Variants in MIPOL1 observed in about 807,000 individuals in gnomAD.
MIPOL1 encodes the protein mirror-image polydactyly 1.
MIPOL1 carries 57 observed loss-of-function variants against 60.9 expected under a neutral mutation model. That is an observed-to-expected ratio of 0.94 (90% CI 0.76 to 1.17). The LOEUF (loss-of-function observed/expected upper bound fraction) is 1.17. Among genes scored for constraint, MIPOL1 ranks in the 50% most tolerant of loss-of-function variants. The probability of loss-of-function intolerance (pLI) is 0.00; values close to 1 mark genes in which losing one functional copy is unlikely to be tolerated. For synonymous variants in MIPOL1, 179 were observed against 168.8 expected, an observed-to-expected ratio of 1.06 and a Z score of -0.47; for missense variants, 551 against 511.6, an observed-to-expected ratio of 1.08 and a Z score of -0.74.
chr14:37,306,875 C>T (rs536754828), intron 7 of MIPOL1, among the ~76,000 whole-genome samples: 33 of 151,852 alleles, frequency 2.2e-4, no homozygotes, highest in African/African-American at 7.9e-4. Context: ...CTTCTTGAAA[C>T]GTAAACCTAA....
intron 12 of MIPOL1, among the ~76,000 whole-genome samples, chr14:37,521,746 CTA>C (rs1451926684): frequency 1.3e-5 from 2 of 152,042 alleles, no homozygotes; most frequent in Non-Finnish European, 2.9e-5. Context: ...AGTCCTCAAA[CTA>C]TTCCATTTTA....
intron 12 of MIPOL1, among the ~76,000 whole-genome samples, chr14:37,510,722 A>G (rs1424907027): frequency 6.6e-6 from 1 of 152,202 alleles, no homozygotes; most frequent in Non-Finnish European, 1.5e-5. Context: ...TAGTAGTTTC[A>G]GAGAATAACA....
chr14:37,434,650 C>G (rs1041976721), intron 11 of MIPOL1: 2 of 152,014 alleles, frequency 1.3e-5, no homozygotes, highest in Admixed American at 6.6e-5. Context: ...TCAAGCAATC[C>G]TGTCGCCTCG....
intron 9 of MIPOL1, among the ~76,000 whole-genome samples, chr14:37,330,501 A>C (rs1336743003): frequency 1.3e-5 from 2 of 152,138 alleles, no homozygotes; most frequent in African/African-American, 4.8e-5. Flanking sequence ...TATAATTAAC[A>C]GTCCTCAATA....
chr14:37,246,938 A>G (rs1347050344), intron 1 of MIPOL1, among the ~76,000 whole-genome samples, 165 bp from the exon 2 acceptor site: 2 of 152,094 alleles, frequency 1.3e-5, no homozygotes, highest in African/African-American at 4.8e-5. Context: ...CATGTTTTAA[A>G]ATACTCCAGA....
At chr14:37,263,286 G>A (rs2082639389) in intron 3 of MIPOL1, among the ~76,000 whole-genome samples, 1 of 152,148 alleles carries the variant, frequency 6.6e-6, no homozygotes. Flanking sequence ...GAAACAGCAT[G>A]AAAGTCACTA....
intron 7 of MIPOL1, among the ~76,000 whole-genome samples, chr14:37,299,829 G>A (rs1445320868): frequency 6.6e-6 from 1 of 151,950 alleles, no homozygotes; most frequent in Non-Finnish European, 1.5e-5. Flanking sequence ...TATGCTCTAG[G>A]ATCCTATGCA....
chr14:37,230,853 A>G (rs1364689934), intron 1 of MIPOL1, among the ~76,000 whole-genome samples: 1 of 152,072 alleles, frequency 6.6e-6, no homozygotes, highest in Non-Finnish European at 1.5e-5. Flanking sequence ...TGAGATAATA[A>G]TATTAAACTT....
chr14:37,350,539 G>A (rs1481792529), intron 9 of MIPOL1, among the ~76,000 whole-genome samples: 1 of 151,664 alleles, frequency 6.6e-6, no homozygotes, highest in African/African-American at 2.4e-5. Flanking sequence ...AATAATCTTG[G>A]GGTATCCATC....
intron 10 of MIPOL1, among the ~76,000 whole-genome samples, chr14:37,409,421 A>G (rs1201938083): frequency 6.6e-6 from 1 of 152,184 alleles, no homozygotes; most frequent in Admixed American, 6.6e-5. Flanking sequence ...AGTTCTTACA[A>G]AAAAAGACAA....
chr14:37,330,931 C>T (rs1414785831), intron 9 of MIPOL1, among the ~76,000 whole-genome samples: 2 of 152,038 alleles, frequency 1.3e-5, no homozygotes, highest in African/African-American at 4.8e-5. Flanking sequence ...TAAAATGGAG[C>T]AGACATCTGG....
chr14:37,218,937 A>G (rs1029719752), intron 1 of MIPOL1, among the ~76,000 whole-genome samples: 7 of 151,684 alleles, frequency 4.6e-5, no homozygotes, highest in Non-Finnish European at 7.4e-5. Flanking sequence ...AAAAAAAAAA[A>G]AAAAAGAAAA....
intron 11 of MIPOL1, among the ~76,000 whole-genome samples, chr14:37,449,411 AT>A (rs2094385819): frequency 6.6e-6 from 1 of 152,234 alleles, no homozygotes; most frequent in Non-Finnish European, 1.5e-5. Context: ...AAGTATTTAT[AT>A]TGTCACAAAT....
At chr14:37,402,775 G>T (rs1364908426) in intron 10 of MIPOL1, among the ~76,000 whole-genome samples, 1 of 152,192 alleles carries the variant, frequency 6.6e-6, no homozygotes, top group African/African-American at 2.4e-5. Context: ...AAGGAAGGAA[G>T]ACATAGATTT....
chr14:37,396,292 A>T (rs2093370027), intron 10 of MIPOL1, among the ~76,000 whole-genome samples: 1 of 152,158 alleles, frequency 6.6e-6, no homozygotes, highest in Non-Finnish European at 1.5e-5. Context: ...GAGGAGGCTT[A>T]AGATAGGGTC....
chr14:37,294,723 A>G (rs1008725361), intron 7 of MIPOL1, among the ~76,000 whole-genome samples: 2 of 152,202 alleles, frequency 1.3e-5, no homozygotes, highest in African/African-American at 4.8e-5. Flanking sequence ...GGAAGATGAA[A>G]TGAGTGAAAT....
At chr14:37,212,545 A>G (rs922726543) in intron 1 of MIPOL1, among the ~76,000 whole-genome samples, 7 of 152,144 alleles carry the variant, frequency 4.6e-5, no homozygotes, top group African/African-American at 1.7e-4. Flanking sequence ...CAGCTCACTC[A>G]TAGTACAATA....
chr14:37,333,724 A>C (rs1193606360), intron 9 of MIPOL1, among the ~76,000 whole-genome samples: 1 of 152,092 alleles, frequency 6.6e-6, no homozygotes, highest in Non-Finnish European at 1.5e-5. Flanking sequence ...ATCAAAGTAC[A>C]AGAAGCAAAA....
chr14:37,449,039 T>G (rs1025872708), intron 11 of MIPOL1, among the ~76,000 whole-genome samples: 1 of 152,206 alleles, frequency 6.6e-6, no homozygotes, highest in African/African-American at 2.4e-5. Flanking sequence ...TAAAATAATT[T>G]CTGGTTTATG....
Sources: allele counts gnomAD v4.1 joint callset (sites outside exome capture counted in the v4.1 genomes callset), GRCh38; gene constraint gnomAD v4.1.1; transcripts MANE v1.5; gene names NCBI Gene and HGNC (gene_info 2026-07-23, HGNC 2026-07-21).